CELF2: variants seen among roughly 807,000 people sequenced by gnomAD.
CELF2 encodes the protein CUGBP Elav-like family member 2, also known as CUG triplet repeat RNA-binding protein 2.
Under a neutral mutation model 62.6 loss-of-function variants are expected in CELF2, and 8 were observed. That is an observed-to-expected ratio of 0.13 (90% confidence interval 0.07 to 0.23). The LOEUF (loss-of-function observed/expected upper bound fraction) is 0.23, where lower values mean the gene tolerates loss of function less well. Ranked by LOEUF, CELF2 falls within the 10% of genes least tolerant of loss-of-function variation. The probability of loss-of-function intolerance (pLI) is 1.00; values close to 1 mark genes in which losing one functional copy is unlikely to be tolerated. For synonymous variants in CELF2, 258 were observed against 250.0 expected (o/e 1.03, Z -0.30); for missense variants, 333 against 671.0 (o/e 0.50, Z 5.56).
chr10:10,913,645 G>A (rs893133756), intron 1 of CELF2, among the ~76,000 whole-genome samples: 1 of 151,214 alleles, frequency 6.6e-6, no homozygotes, highest in Non-Finnish European at 1.5e-5. Flanking sequence ...CCTGCCTCAG[G>A]CTACCAAAGT....
chr10:10,584,520 T>A, the CELF2 span, among the ~76,000 whole-genome samples: 1 of 152,230 alleles, frequency 6.6e-6, no homozygotes, highest in Non-Finnish European at 1.5e-5. Flanking sequence ...TTTGTCTGCC[T>A]ATTAAGCTGG....
intron 1 of CELF2, among the ~76,000 whole-genome samples, chr10:11,082,211 C>T (rs1236157240): frequency 6.6e-6 from 1 of 152,096 alleles, no homozygotes; most frequent in Non-Finnish European, 1.5e-5. Context: ...GTTAAAACTC[C>T]AAGAAAACAT....
chr10:10,766,863 CAT>C, the CELF2 span, among the ~76,000 whole-genome samples: 15 of 152,202 alleles, frequency 9.9e-5, no homozygotes, highest in Non-Finnish European at 1.9e-4. Flanking sequence ...CCCACTCACA[CAT>C]GTCTTCCTTG....
At chr10:10,900,961 G>T (rs908472786) in intron 1 of CELF2, among the ~76,000 whole-genome samples, 1 of 152,114 alleles carries the variant, frequency 6.6e-6, no homozygotes, top group Non-Finnish European at 1.5e-5. Flanking sequence ...ATTAAGCCTT[G>T]GGGGATAAAT....
chr10:11,204,443 A>G lies in CELF2; in HGVS notation c.272-12982A>G, dbSNP rs376718824. ...GGAACTCCAAGTTGAAAAGAAAACC[A>G]TATTGCTATAGGGGAAGGGGGTGTG... On this transcript the variant is annotated intron_variant, in intron 2 of 12. Coordinates refer to ENST00000633077, the MANE Select transcript of CELF2 (RefSeq NM_001326342.2). Among the ~76,000 whole-genome samples the G allele has an allele frequency of 2.6e-5, 4 of 152,192 alleles. No individual in the cohort carries two copies. The East Asian group carries it at 5.8e-4, about 22-fold the overall frequency.
chr10:11,066,423 G>A (rs2068187115), intron 1 of CELF2, among the ~76,000 whole-genome samples: 1 of 151,950 alleles, frequency 6.6e-6, no homozygotes, highest in African/African-American at 2.4e-5. Context: ...CATTTTATAG[G>A]GGAGGACCCG....
At chr10:10,561,003 T>C in the CELF2 span, among the ~76,000 whole-genome samples, 1 of 139,972 alleles carries the variant, frequency 7.1e-6, no homozygotes, top group Non-Finnish European at 1.5e-5. Flanking sequence ...CAATGGACTT[T>C]GGAAACTTAG....
At chr10:10,943,194 A>T (rs1446355281) in intron 2 of CELF2, among the ~76,000 whole-genome samples, 2 of 152,154 alleles carry the variant, frequency 1.3e-5, no homozygotes, top group Non-Finnish European at 1.5e-5. Flanking sequence ...AACTGATGTC[A>T]TCTGAATAAG....
chr10:11,189,215 C>A (rs2075741485), intron 2 of CELF2, among the ~76,000 whole-genome samples: 2 of 152,236 alleles, frequency 1.3e-5, no homozygotes, highest in African/African-American at 4.8e-5. Context: ...CTGGTAGTTT[C>A]TTCACTCATG....
rs1349619642 is a variant in CELF2 at position 11,288,566 on chromosome 10, G to A, written c.976+14G>A. The A allele has an allele frequency of 6.2e-7, 1 of 1,612,660 alleles. No homozygotes were observed. Among genetic ancestry groups the A allele is most frequent in the South Asian group, 1.1e-5 (1 of 90,948 alleles). On this transcript the variant is annotated intron_variant, in intron 9 of 12. Transcript: ENST00000633077. ...TCACGAGTCCCGGTGAGTGTGGGGG[G>A]TGCTCTTCCCTTGCAGGTGATGCAG...
chr10:10,809,951 C>A (rs948307327), intron 1 of CELF2, among the ~76,000 whole-genome samples: 66 of 152,250 alleles, frequency 4.3e-4, no homozygotes, highest in South Asian at 6.2e-4. Flanking sequence ...TTAAACTAAT[C>A]TTACCAAGAA....
chr10:11,044,305 A>G (rs1284573577), intron 1 of CELF2, among the ~76,000 whole-genome samples: 1 of 152,220 alleles, frequency 6.6e-6, no homozygotes, highest in Non-Finnish European at 1.5e-5. Context: ...GCTTACTGAT[A>G]TATCTGCATA....
intron 1 of CELF2, among the ~76,000 whole-genome samples, chr10:11,019,325 T>TG (rs2057910044): frequency 6.6e-6 from 1 of 152,290 alleles, no homozygotes; most frequent in African/African-American, 2.4e-5. Flanking sequence ...TCTAATCCAG[T>TG]GAGAAAAAAA....
the CELF2 span, among the ~76,000 whole-genome samples, chr10:10,556,853 G>A: frequency 3.3e-4 from 50 of 149,694 alleles, no homozygotes; most frequent in Non-Finnish European, 6.8e-4. Flanking sequence ...GTCTGTTCAT[G>A]TCCTTCGCCC....
intron 1 of CELF2, among the ~76,000 whole-genome samples, chr10:10,842,760 T>C (rs907380433): frequency 2.6e-5 from 4 of 152,102 alleles, no homozygotes; most frequent in Non-Finnish European, 5.9e-5. Flanking sequence ...TCCTTTCTTA[T>C]AATGTGTTAA....
At chr10:10,695,886 G>T in the CELF2 span, among the ~76,000 whole-genome samples, 1 of 151,490 alleles carries the variant, frequency 6.6e-6, no homozygotes, top group African/African-American at 2.4e-5. Flanking sequence ...CTCTGTATTG[G>T]TTATTCTAGA....
chr10:10,968,106 C>A (rs2050335704), intron 2 of CELF2, among the ~76,000 whole-genome samples: 1 of 151,918 alleles, frequency 6.6e-6, no homozygotes. Context: ...ACTTTTTTCT[C>A]AGAGGTTATA....
In CELF2 at chr10:10,928,685, T is replaced by G. The variant is rs934617760; in HGVS notation, c.89+8686T>G. On this transcript the variant is annotated intron_variant, in intron 2 of 13. Coordinates refer to the CELF2 transcript ENST00000636488. The surrounding 1 kb of genome is among the most constrained non-coding windows in gnomAD (Gnocchi z 4.8). ...ACACATCCTAGGTTTCTTTGATACCTTCTCTGCCCTGAAGAGATTTATGTT... is the reference window on the plus strand; with the variant it reads ...ACACATCCTAGGTTTCTTTGATACCGTCTCTGCCCTGAAGAGATTTATGTT... Among the ~76,000 whole-genome samples, 1 of 152,196 alleles carries G rather than the reference T, an allele frequency of 6.6e-6. No individual in the cohort carries two copies. The highest frequency in any genetic ancestry group is 1.9e-4 in the East Asian group (1 of 5,196).
At chr10:11,018,895 G>A (rs976032419) in intron 1 of CELF2, 1 of 152,362 alleles carries the variant, frequency 6.6e-6, no homozygotes, top group Non-Finnish European at 1.5e-5. Context: ...ACAAGGAAGG[G>A]CGGGGGGATA....
Sources: gnomAD v4.1 joint callset for allele counts (sites outside exome capture counted in the v4.1 genomes callset) on GRCh38, gnomAD v4.1.1 for gene constraint, Gnocchi (gnomAD v3.1) non-coding constraint, MANE v1.5 for transcripts, NCBI Gene and HGNC (gene_info 2026-07-23, HGNC 2026-07-21) for gene names.